Variants in ZNF600 observed in about 807,000 individuals in gnomAD.
ZNF600 encodes zinc finger protein KR-ZNF1.
A neutral mutation model predicts 7.3 loss-of-function variants in ZNF600; 4 were observed. That is an observed-to-expected ratio of 0.55 (90% CI 0.27 to 1.25). ZNF600 has a LOEUF of 1.25. Among genes scored for constraint, ZNF600 ranks in the 50% most tolerant of loss-of-function variants. The pLI is 0.12. For missense variants in ZNF600, 911 were observed against 922.1 expected, an observed-to-expected ratio of 0.99 and a Z score of 0.16; for synonymous variants, 290 against 308.9, an observed-to-expected ratio of 0.94 and a Z score of 0.64.
chr19:52,821,748 G>C, the ZNF600 span: 1 of 152,100 alleles, frequency 6.6e-6, no homozygotes, highest in Admixed American at 6.5e-5. Context: ...TTGCCCTTTA[G>C]AACCCGCAGA....
chr19:52,819,653 G>A, the ZNF600 span, among the ~76,000 whole-genome samples: 11 of 137,342 alleles, frequency 8.0e-5, 1 homozygote, highest in East Asian at 6.1e-4. Context: ...GAGTGAGAAG[G>A]TGTGCCTGAA....
At chr19:52,828,863 C>A in the ZNF600 span, among the ~76,000 whole-genome samples, 231 of 152,066 alleles carry the variant, frequency 1.5e-3, no homozygotes, top group African/African-American at 5.4e-3. Flanking sequence ...ATTTTTATTT[C>A]TTTATTTATT....
At chr19:52,782,492 C>T (rs2062730933) in intron 1 of ZNF600, among the ~76,000 whole-genome samples, 1 of 151,356 alleles carries the variant, frequency 6.6e-6, no homozygotes. Flanking sequence ...CATTGCACTT[C>T]AGCCTGGGCA....
At chr19:52,817,977 C>T in the ZNF600 span, 16 of 1,610,870 alleles carry the variant, frequency 9.9e-6, no homozygotes, top group South Asian at 1.6e-4. Context: ...CCTTTGCTTT[C>T]CTCTTCCTCT....
intron 3 of ZNF600, among the ~76,000 whole-genome samples, chr19:52,770,014 AC>A (rs1333704546): frequency 1.3e-5 from 2 of 152,228 alleles, no homozygotes; most frequent in African/African-American, 4.8e-5. Flanking sequence ...AGAATTCTAA[AC>A]AATTCCCTCT....
the ZNF600 span, among the ~76,000 whole-genome samples, chr19:52,796,123 T>C: frequency 6.8e-4 from 104 of 152,282 alleles, no homozygotes; most frequent in African/African-American, 2.3e-3. Context: ...TGCAGTGAGC[T>C]CTGATGCTGT....
intron 3 of ZNF600, among the ~76,000 whole-genome samples, chr19:52,770,749 T>G (rs2062624040): frequency 6.6e-6 from 1 of 152,246 alleles, no homozygotes. Flanking sequence ...ATAAGGATGT[T>G]CCTGCAGTTG....
At chr19:52,783,523 G>A (rs887080378) in intron 1 of ZNF600, among the ~76,000 whole-genome samples, 11 of 151,940 alleles carry the variant, frequency 7.2e-5, no homozygotes, top group African/African-American at 2.4e-4. Context: ...CACCACGCCC[G>A]GCTAATTTTT....
chr19:52,801,296 C>T, the ZNF600 span: 2 of 1,614,060 alleles, frequency 1.2e-6, no homozygotes, highest in South Asian at 2.2e-5. Flanking sequence ...GGGTTTTGGG[C>T]CTACAACAAA....
upstream of ZNF600, chr19:52,786,810 G>A (rs964856124): frequency 7.6e-5 from 26 of 341,260 alleles, no homozygotes; most frequent in African/African-American, 5.3e-4. Flanking sequence ...GCCGGGGCAG[G>A]TTGGCTGGAC....
At chr19:52,773,447 CCT>C (rs1204887385) in intron 3 of ZNF600, among the ~76,000 whole-genome samples, 4 of 152,224 alleles carry the variant, frequency 2.6e-5, no homozygotes, top group African/African-American at 9.6e-5. Flanking sequence ...ACAATAATCC[CCT>C]GTGTAGATTC....
chr19:52,824,226 C>T, the ZNF600 span, among the ~76,000 whole-genome samples: 2 of 151,948 alleles, frequency 1.3e-5, no homozygotes, highest in Admixed American at 1.3e-4. Context: ...TCCTCAAAAA[C>T]AAAGGAAATG....
rs555208129 is a variant in ZNF600 at position 52,776,744 on chromosome 19, C to G, written c.64-2043G>C. On this transcript the variant is annotated intron_variant, in intron 2 of 3. Coordinates refer to ENST00000648973, the Ensembl canonical transcript of ZNF600. ...ATTGCAAATGAAAAATACTTAAAAT[C>G]ATTACAATTATTATAAAAAATAACT... is the stretch of plus-strand genomic sequence containing the variant. Among the ~76,000 whole-genome samples, 252 of 152,180 alleles carry G rather than the reference C, an allele frequency of 1.7e-3. 1 individual carries two copies. The highest frequency in any genetic ancestry group is 2.8e-3 in the Non-Finnish European group (190 of 68,014).
chr19:52,810,384 G>A, the ZNF600 span: 5 of 1,604,908 alleles, frequency 3.1e-6, no homozygotes, highest in East Asian at 1.1e-4. Context: ...CTGTGGTTCA[G>A]TCAACCACGT....
At chr19:52,808,266 C>A in the ZNF600 span, 1 of 1,486,570 alleles carries the variant, frequency 6.7e-7, no homozygotes, top group Non-Finnish European at 9.0e-7. Flanking sequence ...GGATTTTTCA[C>A]CACATGATGT....
At chr19:52,831,711 A>G in the ZNF600 span, among the ~76,000 whole-genome samples, 2 of 151,950 alleles carry the variant, frequency 1.3e-5, no homozygotes, top group Non-Finnish European at 2.9e-5. Flanking sequence ...TCACCGTGTT[A>G]GCCAGGATGG....
the ZNF600 span, chr19:52,814,164 A>C: frequency 9.5e-5 from 14 of 146,796 alleles, 1 homozygote; most frequent in Admixed American, 9.6e-4. Context: ...GGAGGCTGGA[A>C]GGAGGATGGA....
intron 3 of ZNF600, 79 bp from the exon 6 acceptor site, chr19:52,767,851 A>G (rs1212265959): frequency 6.9e-7 from 1 of 1,457,016 alleles, no homozygotes; most frequent in East Asian, 2.4e-5. Flanking sequence ...TATGACACAA[A>G]AAACAATACT....
the ZNF600 span, among the ~76,000 whole-genome samples, chr19:52,811,602 G>A: frequency 6.7e-6 from 1 of 148,586 alleles, no homozygotes; most frequent in South Asian, 2.1e-4. Flanking sequence ...TGGGAGGTGA[G>A]GAGCGTCTCT....
Sources: allele counts gnomAD v4.1 joint callset (sites outside exome capture counted in the v4.1 genomes callset), GRCh38; gene constraint gnomAD v4.1.1; transcripts MANE v1.5; gene names NCBI Gene and HGNC (gene_info 2026-07-23, HGNC 2026-07-21).